Variants in AFF1 observed in about 807,000 individuals in gnomAD.
AFF1 encodes ALF transcription elongation factor 1.
A neutral mutation model predicts 121.7 loss-of-function variants in AFF1; 48 were observed. That is an observed-to-expected ratio of 0.39 (90% CI 0.31 to 0.50). The LOEUF (loss-of-function observed/expected upper bound fraction) is 0.50, where lower values mean the gene tolerates loss of function less well. AFF1 is among the 20% of genes least tolerant of loss of function. The pLI, the probability that AFF1 is intolerant of heterozygous loss-of-function variation, is 0.76. For missense variants in AFF1, 1,523 were observed against 1,511.7 expected (o/e 1.01, Z -0.12); for synonymous variants, 613 against 563.0 (o/e 1.09, Z -1.26).
chr4:86,946,520 T>G (rs762646247), intron 1 of AFF1, among the ~76,000 whole-genome samples: 70 of 128,704 alleles, frequency 5.4e-4, no homozygotes, highest in Non-Finnish European at 9.5e-4. Flanking sequence ...TTAAGTAGAG[T>G]AGCTGGGAAC....
chr4:87,029,435 G>A lies in AFF1; in HGVS notation c.39-16731G>A, dbSNP rs932261290. The stretch of plus-strand genomic sequence containing the variant: ...CAGATGTCTTTTTATGTACGTAAAG[G>A]TATTCAGATCCAGCAGTGCATTCTC... On this transcript the variant is annotated intron_variant, in intron 2 of 20. Transcript: ENST00000395146. Among the ~76,000 whole-genome samples the A allele has an allele frequency of 1.1e-4, 16 of 152,262 alleles. No individual in the cohort carries two copies. In the East Asian group the frequency reaches 1.7e-3, roughly 17 times the overall value.
intron 2 of AFF1, among the ~76,000 whole-genome samples, chr4:87,018,549 T>G (rs1171868486): frequency 2.0e-5 from 3 of 152,222 alleles, no homozygotes; most frequent in African/African-American, 7.2e-5. Context: ...AGAATTTTGC[T>G]GTGTTGGCCA....
rs1222527917 is a variant in AFF1 at position 87,138,831 on chromosome 4, C to G, written c.*3130C>G. The G allele has an allele frequency of 2.6e-5, 6 of 228,704 alleles. No homozygotes were observed. The highest frequency in any genetic ancestry group is 5.7e-5 in the Admixed American group (1 of 17,628). 14.2% of individuals were successfully genotyped at this position (228,704 alleles called of 1,614,324 possible). ...TATCTAATATTTTGTAACAAAAAGA[C>G]CTTCATATTATCTGTTTTGACCAAA... On this transcript the variant is annotated 3_prime_UTR_variant, in exon 21 of 21. Transcript: ENST00000395146.
intron 2 of AFF1, among the ~76,000 whole-genome samples, chr4:87,024,746 G>A (rs1006123250): frequency 2.6e-5 from 4 of 151,932 alleles, no homozygotes; most frequent in Non-Finnish European, 4.4e-5. Context: ...CCACCACCAC[G>A]CCTGGCTAAT....
chr4:87,022,866 G>C (rs1728167119), intron 2 of AFF1, among the ~76,000 whole-genome samples: 1 of 151,238 alleles, frequency 6.6e-6, no homozygotes, highest in Non-Finnish European at 1.5e-5. Flanking sequence ...AGTAACGTTA[G>C]AATCATACAT....
chr4:86,945,497 ATTT>A (rs34305215), intron 1 of AFF1, among the ~76,000 whole-genome samples: 44 of 86,632 alleles, frequency 5.1e-4, no homozygotes, highest in South Asian at 8.5e-4. Context: ...GCCTTTCCCA[ATTT>A]TTTTTTTTTT....
At chr4:87,125,721 A>G (rs371119680) in intron 13 of AFF1, among the ~76,000 whole-genome samples, 63 of 152,228 alleles carry the variant, frequency 4.1e-4, no homozygotes, top group African/African-American at 1.4e-3. Flanking sequence ...TGGCAAAAAC[A>G]AGTGCATAGT....
At chr4:87,115,609 CTTT>C (rs71660115) in intron 12 of AFF1, among the ~76,000 whole-genome samples, 1 of 40,654 alleles carries the variant, frequency 2.5e-5, no homozygotes. Flanking sequence ...CAACCCACCT[CTTT>C]TTTTTTTTTT....
At chr4:87,009,625 T>C (rs940031349) in intron 2 of AFF1, among the ~76,000 whole-genome samples, 1 of 152,234 alleles carries the variant, frequency 6.6e-6, no homozygotes, top group African/African-American at 2.4e-5. Flanking sequence ...ATGTGCATTT[T>C]CTTTGGTTAC....
intron 1 of AFF1, among the ~76,000 whole-genome samples, chr4:86,939,141 T>A (rs1720273635): frequency 1.3e-5 from 2 of 152,164 alleles, no homozygotes; most frequent in South Asian, 4.1e-4. Flanking sequence ...AGAAAGGGCC[T>A]GTGCAGGTGG....
At position 87,114,785 on chromosome 4, in the gene AFF1, A is replaced by G. The variant is rs1578280180; in HGVS notation, c.1952A>G (p.Lys651Arg). 6.2e-7 allele frequency: 1 copy of G among 1,613,100 alleles called. No individual in the cohort carries two copies. The highest frequency in any genetic ancestry group is 2.2e-5 in the East Asian group (1 of 44,820). The part of the protein sequence containing the change: ...SRDQTSKDKP[K>R]VKTKGRPRAA... ...GACCAGACTTCCAAAGACAAGCCCA[A>G]GGTGAAGACGAAAGGACGGCCCCGG... Residue 651 changes from lysine to arginine, a missense_variant, in exon 12 of 21, where the codon AAG becomes AGG. Around this residue, in one of 5 missense-constraint regions of AFF1, gnomAD observed 905 missense variants for 842.5 expected, o/e 1.07. Transcript: ENST00000395146.
chr4:86,949,356 C>G (rs1000361827), intron 2 of AFF1, among the ~76,000 whole-genome samples: 1 of 150,184 alleles, frequency 6.7e-6, no homozygotes, highest in Admixed American at 6.6e-5. Context: ...CTCAGGTGAT[C>G]CCCCTGCCTC....
intron 2 of AFF1, among the ~76,000 whole-genome samples, chr4:86,998,251 G>A (rs1725397610): frequency 6.6e-6 from 1 of 152,166 alleles, no homozygotes; most frequent in South Asian, 2.1e-4. Flanking sequence ...TGCTGTGGAA[G>A]GGGCTGCCTT....
chr4:87,025,771 C>T (rs930312322), intron 2 of AFF1, among the ~76,000 whole-genome samples: 55 of 152,182 alleles, frequency 3.6e-4, no homozygotes, highest in Non-Finnish European at 5.3e-4. Context: ...GTGGAGAACT[C>T]TCGCTCTGCA....
At chr4:87,018,957 G>A (rs1466993062) in intron 2 of AFF1, among the ~76,000 whole-genome samples, 1 of 152,144 alleles carries the variant, frequency 6.6e-6, no homozygotes, top group Non-Finnish European at 1.5e-5. Context: ...AGGAAGTGAA[G>A]ATTTAGACAG....
At chr4:87,054,557 C>T (rs1039138555) in intron 4 of AFF1, among the ~76,000 whole-genome samples, 1 of 152,158 alleles carries the variant, frequency 6.6e-6, no homozygotes, top group Non-Finnish European at 1.5e-5. Context: ...CTCTAGATTC[C>T]GTAAGCTCGA....
At chr4:86,956,519 G>C (rs578028822) in intron 2 of AFF1, among the ~76,000 whole-genome samples, 67 of 152,296 alleles carry the variant, frequency 4.4e-4, no homozygotes, top group African/African-American at 1.4e-3. Flanking sequence ...ACTTTACTGA[G>C]TTGTGCAACC....
chr4:86,953,716 TTTC>T (rs1721540074), intron 2 of AFF1, among the ~76,000 whole-genome samples: 1 of 150,704 alleles, frequency 6.6e-6, no homozygotes. Context: ...TGCATTTTCT[TTTC>T]TTTTTTCTTT....
At position 87,131,285 on chromosome 4, in the gene AFF1, C is replaced by T; in HGVS notation, c.3101+66C>T. The T allele has an allele frequency of 7.0e-6, 11 of 1,575,992 alleles. No individual in the cohort carries two copies. In the South Asian group the frequency reaches 1.2e-4, roughly 17 times the overall value. ...CTTTCCTCACCTTTATTGTTTTAATCCATTTGAACCTTAGTGTGAAGATGG... is the reference window on the plus strand; with the variant it reads ...CTTTCCTCACCTTTATTGTTTTAATTCATTTGAACCTTAGTGTGAAGATGG... On this transcript the variant is annotated intron_variant, in intron 17 of 20. Coordinates refer to ENST00000395146, the MANE Select transcript of AFF1 (RefSeq NM_001166693.3).
Sources: allele counts gnomAD v4.1 joint callset (sites outside exome capture counted in the v4.1 genomes callset), GRCh38; gene constraint gnomAD v4.1.1; regional missense constraint gnomAD v4.1.1; transcripts MANE v1.5; gene names NCBI Gene and HGNC (gene_info 2026-07-23, HGNC 2026-07-21).